The following STK3 variants were observed in gnomAD, a reference collection of about 807,000 sequenced individuals.
STK3 encodes serine/threonine-protein kinase 3.
In STK3, 41 loss-of-function variants were observed where a neutral mutation model predicts 58.0. The observed-to-expected ratio is 0.71, with a 90% CI of 0.55 to 0.92. The LOEUF (loss-of-function observed/expected upper bound fraction) is 0.92. Among genes scored for constraint, STK3 ranks in the 40% least tolerant of loss-of-function variants. STK3 has a pLI of 0.00. For synonymous variants in STK3, 170 were observed against 191.0 expected, an observed-to-expected ratio of 0.89 and a Z score of 0.91; for missense variants, 479 against 602.7, an observed-to-expected ratio of 0.79 and a Z score of 2.15.
At position 98,380,376 on chromosome 8, in the gene STK3, C is replaced by T. The variant is rs546160573; in HGVS notation, n.57-1169G>A. 4.6e-5 allele frequency among the ~76,000 whole-genome samples: 7 copies of T among 152,100 alleles called. No individual in the cohort carries two copies. In the East Asian group the frequency reaches 5.8e-4, roughly 13 times the overall value. On this transcript the variant is annotated intron_variant and non_coding_transcript_variant, in intron 1 of 2. Transcript: ENST00000518704. ...AATCTTATTACCCAGAGATAACCAC[C>T]GATAACACTTTGATGTCATCTACTT...
chr8:98,799,069 T>C (rs550623480), intron 1 of STK3, among the ~76,000 whole-genome samples: 17 of 152,302 alleles, frequency 1.1e-4, no homozygotes, highest in African/African-American at 3.8e-4. Context: ...CTCTTCTTTA[T>C]AAATTACCCA....
rs1308589032 is a variant in STK3 at position 98,428,488 on chromosome 8, G to A, written n.483+5639C>T. ...GATGGGCAGCCCCTCGGCAACTTCCGCAGGCAGCTGTGGCTGGCGCTGGAC... is the reference window on the plus strand; with the variant it reads ...GATGGGCAGCCCCTCGGCAACTTCCACAGGCAGCTGTGGCTGGCGCTGGAC... On this transcript the variant is annotated intron_variant and non_coding_transcript_variant, in intron 3 of 3. Coordinates refer to the STK3 transcript ENST00000517832. This position sits in a 1 kb window ranked among gnomAD's most constrained non-coding sequence, Gnocchi z 6.7. The A allele has an allele frequency of 2.5e-6, 4 of 1,614,054 alleles. No individual in the cohort carries two copies. Among genetic ancestry groups the A allele is most frequent in the Non-Finnish European group, 2.5e-6 (3 of 1,180,024 alleles).
chr8:98,757,952 T>A lies in STK3; in HGVS notation c.237-8562A>T, dbSNP rs141732151. Among the ~76,000 whole-genome samples the A allele has an allele frequency of 4.0e-3, 614 of 152,342 alleles. 5 individuals are homozygous for A. Among genetic ancestry groups the A allele is most frequent in the South Asian group, 8.3e-3 (40 of 4,832 alleles). On this transcript the variant is annotated intron_variant, in intron 3 of 10. Coordinates refer to ENST00000419617, the MANE Select transcript of STK3 (RefSeq NM_006281.4). ...ATGTTGTTCATTCTAGCCAGCAAGT[T>A]AACTAACTACAATTATTTAGATGTT...
chr8:98,722,539 T>C (rs1401486626), intron 4 of STK3, among the ~76,000 whole-genome samples: 2 of 152,164 alleles, frequency 1.3e-5, no homozygotes, highest in Non-Finnish European at 2.9e-5. Context: ...TTTGGACATA[T>C]GTTAACCTTT....
chr8:98,694,286 G>C (rs910257899), intron 6 of STK3, among the ~76,000 whole-genome samples: 6 of 152,116 alleles, frequency 3.9e-5, no homozygotes, highest in Non-Finnish European at 8.8e-5. Context: ...TATCTGCAGG[G>C]CTCCTTTATT....
intron 2 of STK3, among the ~76,000 whole-genome samples, chr8:98,769,778 T>C (rs1305496926): frequency 6.6e-6 from 1 of 152,204 alleles, no homozygotes; most frequent in African/African-American, 2.4e-5. Context: ...ATAAGGACTA[T>C]AGAATGGGCT....
intron 1 of STK3, among the ~76,000 whole-genome samples, chr8:98,898,895 C>T (rs980608978): frequency 2.6e-5 from 4 of 152,284 alleles, no homozygotes; most frequent in South Asian, 4.1e-4. Context: ...GGTACGTGCT[C>T]GGCCACAGCC....
chr8:98,784,542 T>C (rs1211878981), intron 1 of STK3, among the ~76,000 whole-genome samples: 1 of 152,106 alleles, frequency 6.6e-6, no homozygotes, highest in Non-Finnish European at 1.5e-5. Flanking sequence ...TTGGAGCAAC[T>C]GTTTGCCTGG....
chr8:98,767,310 G>A lies in STK3; in HGVS notation c.169C>T (p.Gln57Ter), dbSNP rs1228869369. 2 of 1,611,674 alleles carry A rather than the reference G, an allele frequency of 1.2e-6. No individual in the cohort carries two copies. The highest frequency in any genetic ancestry group is 1.7e-6 in the Non-Finnish European group (2 of 1,179,482). The change falls in exon 3 of 11, where the codon CAA becomes TAA. Residue 57 changes from glutamine (Q) to a stop codon, truncating the protein, a stop_gained. Transcript: ENST00000419617. LOFTEE classifies it high-confidence loss of function. ...TGAAGATCTGATTCAACAGGTACTT[G>A]TTTAATTGCGACAACTTGACCGGAT... ...KESGQVVAIK[Q>*]VPVESDLQEI...
At chr8:98,509,529 C>G (rs1824344138) in intron 10 of STK3, among the ~76,000 whole-genome samples, 1 of 151,888 alleles carries the variant, frequency 6.6e-6, no homozygotes, top group South Asian at 2.1e-4. Context: ...AGGAGAATTA[C>G]TTTGACATTT....
chr8:98,886,282 G>C (rs113594081), intron 1 of STK3, among the ~76,000 whole-genome samples: 188 of 152,316 alleles, frequency 1.2e-3, no homozygotes, highest in African/African-American at 4.2e-3. Context: ...TCCTGTACTA[G>C]AGTTGGGTAA....
At chr8:98,513,843 C>A (rs886880367) in intron 10 of STK3, among the ~76,000 whole-genome samples, 1 of 152,100 alleles carries the variant, frequency 6.6e-6, no homozygotes, top group South Asian at 2.1e-4. Context: ...AATGCCCCAT[C>A]TAGAGAGAGG....
intron 3 of STK3, among the ~76,000 whole-genome samples, chr8:98,414,955 G>T (rs150576409): frequency 1.7e-3 from 261 of 152,294 alleles, no homozygotes; most frequent in African/African-American, 6.0e-3. Flanking sequence ...ACTCTACTAT[G>T]ATCTGAATTT....
intron 1 of STK3, among the ~76,000 whole-genome samples, chr8:98,916,604 G>A (rs1839357291): frequency 6.6e-6 from 1 of 152,106 alleles, no homozygotes; most frequent in South Asian, 2.1e-4. Flanking sequence ...TGTCTCCACT[G>A]GTTATTGAGA....
chr8:98,835,911 G>C (rs1835728659), intron 3 of STK3, among the ~76,000 whole-genome samples: 1 of 152,162 alleles, frequency 6.6e-6, no homozygotes, highest in Non-Finnish European at 1.5e-5. Flanking sequence ...TTATAAACAA[G>C]AGAAATTTGC....
intron 3 of STK3, chr8:98,427,888 C>A: frequency 1.7e-6 from 2 of 1,159,970 alleles, no homozygotes; most frequent in Non-Finnish European, 2.4e-6. Flanking sequence ...GAGAGGGGGC[C>A]CCGCCAGGGC....
At chr8:98,684,322 C>G (rs996531339) in intron 6 of STK3, among the ~76,000 whole-genome samples, 2 of 152,122 alleles carry the variant, frequency 1.3e-5, no homozygotes, top group Admixed American at 1.3e-4. Flanking sequence ...GGTTCAGGCA[C>G]AGAAACAGTA....
intron 1 of STK3, among the ~76,000 whole-genome samples, chr8:98,885,779 T>C (rs979887470): frequency 6.6e-5 from 10 of 152,212 alleles, no homozygotes; most frequent in Non-Finnish European, 1.3e-4. Context: ...TTGCATTTAT[T>C]TGTAACAGCC....
chr8:98,749,404 C>T lies in STK3; in HGVS notation c.237-14G>A. ...ACAACATATGGGCTAAAGGAAAATA[C>T]ATAAACAATTAAATTTAGTTAATTC... On this transcript the variant is annotated splice_polypyrimidine_tract_variant and intron_variant, in intron 3 of 10. Transcript: ENST00000419617. 1.4e-6 allele frequency: 2 copies of T among 1,403,526 alleles called. No homozygotes were observed. Among genetic ancestry groups the T allele is most frequent in the East Asian group, 2.3e-5 (1 of 43,062 alleles). 86.9% of individuals were successfully genotyped at this position (1,403,526 alleles called of 1,614,324 possible).
Sources: allele counts gnomAD v4.1 joint callset (sites outside exome capture counted in the v4.1 genomes callset), GRCh38; gene constraint gnomAD v4.1.1; non-coding constraint Gnocchi (gnomAD v3.1); transcripts MANE v1.5; gene names NCBI Gene and HGNC (gene_info 2026-07-23, HGNC 2026-07-21).